The following DLG2 variants were observed in gnomAD, a reference collection of about 807,000 sequenced individuals.
DLG2 encodes disks large homolog 2.
In DLG2, 45 loss-of-function variants were observed where a neutral mutation model predicts 132.5. The ratio of observed to expected loss-of-function variants is 0.34; its 90% CI spans 0.27 to 0.44. The LOEUF (loss-of-function observed/expected upper bound fraction) is 0.44. Among genes scored for constraint, DLG2 ranks in the 20% least tolerant of loss-of-function variants. The pLI is 1.00. For missense variants in DLG2, 1,045 were observed against 1,196.9 expected (o/e 0.87, Z 1.87); for synonymous variants, 424 against 419.6 (o/e 1.01, Z -0.13).
At chr11:84,736,296 C>A (rs1273938389) in intron 6 of DLG2, among the ~76,000 whole-genome samples, 1 of 151,800 alleles carries the variant, frequency 6.6e-6, no homozygotes, top group African/African-American at 2.4e-5. Context: ...ATTGAAACAA[C>A]TTTGTTCTTC....
intron 19 of DLG2, among the ~76,000 whole-genome samples, chr11:83,578,058 A>G (rs370422830): frequency 1.0e-5 from 1 of 100,348 alleles, no homozygotes; most frequent in Non-Finnish European, 1.9e-5. Flanking sequence ...GTGTGTGTGT[A>G]TACATATATA....
intron 6 of DLG2, among the ~76,000 whole-genome samples, chr11:84,729,034 C>G (rs916197865): frequency 6.6e-6 from 1 of 151,978 alleles, no homozygotes; most frequent in Non-Finnish European, 1.5e-5. Flanking sequence ...TTTCAAAAAC[C>G]CAGCTCCTGG....
chr11:85,411,630 C>T (rs1565452878), intron 3 of DLG2, among the ~76,000 whole-genome samples: 2 of 151,836 alleles, frequency 1.3e-5, no homozygotes, highest in Non-Finnish European at 2.9e-5. Context: ...CATACATCCA[C>T]ATTTTGAGCA....
At chr11:83,967,985 C>T (rs2154162551) in intron 12 of DLG2, among the ~76,000 whole-genome samples, 1 of 152,224 alleles carries the variant, frequency 6.6e-6, no homozygotes, top group Admixed American at 6.5e-5. Context: ...CTTTCTTCAT[C>T]ATGTTCTCTT....
At chr11:84,841,852 T>G (rs1294029353) in intron 6 of DLG2, among the ~76,000 whole-genome samples, 2 of 152,000 alleles carry the variant, frequency 1.3e-5, no homozygotes, top group African/African-American at 4.8e-5. Flanking sequence ...CATAATTTTT[T>G]TAACCATTCC....
At chr11:84,365,713 C>G (rs549267199) in intron 7 of DLG2, among the ~76,000 whole-genome samples, 74 of 151,808 alleles carry the variant, frequency 4.9e-4, no homozygotes, top group Middle Eastern at 6.8e-3. Context: ...TATGTTGTGT[C>G]TTTGTTCTCT....
At chr11:84,064,292 T>C (rs1267601127) in intron 10 of DLG2, among the ~76,000 whole-genome samples, 2 of 152,202 alleles carry the variant, frequency 1.3e-5, no homozygotes, top group African/African-American at 4.8e-5. Flanking sequence ...AGCGAAGTTT[T>C]AATTTGGGTC....
intron 6 of DLG2, among the ~76,000 whole-genome samples, chr11:84,838,908 A>C (rs1313638010): frequency 6.6e-6 from 1 of 152,114 alleles, no homozygotes. Context: ...CAAAAACTGG[A>C]AGCATTCCCT....
At chr11:84,058,507 AATAAT>A (rs201574320) in intron 11 of DLG2, among the ~76,000 whole-genome samples, 25,765 of 139,078 alleles carry the variant, frequency 0.19, 3,027 homozygotes, top group African/African-American at 0.33. Context: ...AAACAAATAC[AATAAT>A]AATAATAATA....
intron 7 of DLG2, among the ~76,000 whole-genome samples, chr11:84,331,107 C>T (rs1017807328): frequency 6.6e-6 from 1 of 152,294 alleles, no homozygotes; most frequent in Admixed American, 6.5e-5. Flanking sequence ...GAAGCATCTG[C>T]AGTTTCTTGC....
chr11:85,057,123 G>A (rs892706608), intron 6 of DLG2, among the ~76,000 whole-genome samples: 5 of 151,628 alleles, frequency 3.3e-5, no homozygotes, highest in Non-Finnish European at 4.4e-5. Flanking sequence ...TTTTTAAAAG[G>A]AGAATATCTA....
chr11:83,807,044 G>T (rs1034878275), intron 17 of DLG2, among the ~76,000 whole-genome samples: 17 of 152,212 alleles, frequency 1.1e-4, no homozygotes, highest in African/African-American at 3.9e-4. Flanking sequence ...AAGCATTACT[G>T]ATTTCAAAAA....
chr11:84,155,549 C>A (rs2095411729), intron 9 of DLG2, among the ~76,000 whole-genome samples: 1 of 151,372 alleles, frequency 6.6e-6, no homozygotes, highest in South Asian at 2.1e-4. Flanking sequence ...AGGGTCTGCC[C>A]CTGGAAATAC....
chr11:85,446,770 T>G (rs2092027704), intron 3 of DLG2, among the ~76,000 whole-genome samples: 1 of 151,706 alleles, frequency 6.6e-6, no homozygotes. Flanking sequence ...CAGTGACAAC[T>G]CCAGTTTGAA....
At chr11:83,966,404 A>C (rs1302648163) in intron 12 of DLG2, among the ~76,000 whole-genome samples, 1 of 152,064 alleles carries the variant, frequency 6.6e-6, no homozygotes, top group Non-Finnish European at 1.5e-5. Context: ...TTGTGTTAAC[A>C]GAAATGCCTC....
intron 8 of DLG2, among the ~76,000 whole-genome samples, chr11:84,181,343 G>A (rs1044207126): frequency 6.6e-6 from 1 of 151,370 alleles, no homozygotes; most frequent in Non-Finnish European, 1.5e-5. Flanking sequence ...AAAAGTAAAA[G>A]AAGAAGTATA....
chr11:84,318,992 T>C (rs567078274), intron 7 of DLG2, among the ~76,000 whole-genome samples: 1 of 152,298 alleles, frequency 6.6e-6, no homozygotes, highest in South Asian at 2.1e-4. Flanking sequence ...TCAGCAATGT[T>C]CTAGAAACAT....
In DLG2 at chr11:83,636,980, A is replaced by C. The variant is rs1455187802; in HGVS notation, c.1826-3655T>G. On this transcript the variant is annotated intron_variant, in intron 18 of 27. Transcript: ENST00000376104. ...TTGAAAACTAAACATAAACACAAGA[A>C]ATTTCACATAGTAAAACTAGTAAGA... 3.3e-5 allele frequency among the ~76,000 whole-genome samples: 5 copies of C among 152,144 alleles called. No homozygotes were observed. The East Asian group carries it at 5.8e-4, about 18-fold the overall frequency.
At chr11:83,743,902 T>C (rs779167329) in intron 18 of DLG2, among the ~76,000 whole-genome samples, 1 of 152,206 alleles carries the variant, frequency 6.6e-6, no homozygotes, top group East Asian at 1.9e-4. Context: ...GTACTGGGTA[T>C]GTCAATGGGT....
Sources: gnomAD v4.1 joint callset for allele counts (sites outside exome capture counted in the v4.1 genomes callset) on GRCh38, gnomAD v4.1.1 for gene constraint, MANE v1.5 for transcripts, NCBI Gene and HGNC (gene_info 2026-07-23, HGNC 2026-07-21) for gene names.